Variants in KIAA1217 observed in about 807,000 individuals in gnomAD.
The protein encoded by KIAA1217 is sickle tail protein homolog.
Under a neutral mutation model 163.9 loss-of-function variants are expected in KIAA1217, and 88 were observed. The observed-to-expected ratio is 0.54, with a 90% CI of 0.45 to 0.64. KIAA1217 has a LOEUF of 0.64. KIAA1217 is among the 30% of genes least tolerant of loss of function. KIAA1217 has a pLI of 0.00. For missense variants in KIAA1217, 2,372 were observed against 2,475.0 expected (o/e 0.96, Z 0.88); for synonymous variants, 903 against 923.1 (o/e 0.98, Z 0.39).
chr10:23,914,342 T>A (rs1346809591), intron 1 of KIAA1217, among the ~76,000 whole-genome samples: 3 of 152,124 alleles, frequency 2.0e-5, no homozygotes, highest in Non-Finnish European at 4.4e-5. Flanking sequence ...AAAGATAGGA[T>A]CTCACTCTGT....
At chr10:24,414,693 G>A (rs1189964827) in intron 3 of KIAA1217, among the ~76,000 whole-genome samples, 2 of 152,182 alleles carry the variant, frequency 1.3e-5, no homozygotes, top group Non-Finnish European at 2.9e-5. Flanking sequence ...CGGAGGATGG[G>A]CACCTTGTCC....
At chr10:24,052,445 T>C (rs1339322766) in intron 2 of KIAA1217, among the ~76,000 whole-genome samples, 1 of 152,184 alleles carries the variant, frequency 6.6e-6, no homozygotes, top group African/African-American at 2.4e-5. Flanking sequence ...TTCCAAACTT[T>C]AGATCAATGT....
intron 1 of KIAA1217, among the ~76,000 whole-genome samples, chr10:23,843,755 A>T (rs1301650417): frequency 6.6e-6 from 1 of 152,154 alleles, no homozygotes; most frequent in Non-Finnish European, 1.5e-5. Flanking sequence ...GCGAAAACCT[A>T]TGTAAGTTTC....
intron 2 of KIAA1217, among the ~76,000 whole-genome samples, chr10:24,117,951 A>G (rs967831756): frequency 1.3e-5 from 2 of 152,154 alleles, no homozygotes; most frequent in African/African-American, 4.8e-5. Flanking sequence ...GAAACTGCTT[A>G]TATCAGATAA....
intron 2 of KIAA1217, among the ~76,000 whole-genome samples, chr10:24,068,516 G>C (rs925628107): frequency 2.0e-5 from 3 of 152,076 alleles, no homozygotes; most frequent in African/African-American, 7.2e-5. Flanking sequence ...TCATGTTTCT[G>C]TTTCTTCATT....
intron 1 of KIAA1217, among the ~76,000 whole-genome samples, chr10:23,855,418 C>G (rs1207415594): frequency 6.6e-6 from 1 of 152,170 alleles, no homozygotes; most frequent in Non-Finnish European, 1.5e-5. Flanking sequence ...TTGTGGGTAA[C>G]CCGACCTTTC....
chr10:23,880,467 G>A (rs1264886966), intron 1 of KIAA1217, among the ~76,000 whole-genome samples: 1 of 151,862 alleles, frequency 6.6e-6, no homozygotes, highest in African/African-American at 2.4e-5. Flanking sequence ...AGTTGGGAGA[G>A]GAAGGGAAGT....
intron 5 of KIAA1217, among the ~76,000 whole-genome samples, chr10:24,441,800 A>G (rs2060518412): frequency 3.9e-5 from 6 of 152,150 alleles, no homozygotes; most frequent in Admixed American, 6.5e-5. Context: ...TTATATATGT[A>G]CTCACAGGGT....
At chr10:24,023,601 T>A (rs1003498999) in intron 2 of KIAA1217, among the ~76,000 whole-genome samples, 13 of 151,732 alleles carry the variant, frequency 8.6e-5, no homozygotes, top group African/African-American at 3.1e-4. Flanking sequence ...TTTTGGTATA[T>A]GTGGGAGTTC....
intron 2 of KIAA1217, among the ~76,000 whole-genome samples, chr10:24,233,096 G>A (rs1018258810): frequency 6.6e-6 from 1 of 152,022 alleles, no homozygotes; most frequent in Non-Finnish European, 1.5e-5. Context: ...CCATACTCCA[G>A]CCTGGGTGAC....
chr10:23,832,721 A>G (rs978354377), intron 1 of KIAA1217, among the ~76,000 whole-genome samples: 12 of 152,136 alleles, frequency 7.9e-5, no homozygotes, highest in African/African-American at 2.9e-4. Flanking sequence ...ATTTTATCAC[A>G]ATATCACAAC....
At chr10:23,925,390 G>A (rs1049551820) in intron 1 of KIAA1217, among the ~76,000 whole-genome samples, 1 of 152,098 alleles carries the variant, frequency 6.6e-6, no homozygotes, top group Non-Finnish European at 1.5e-5. Context: ...CTAGTGGAGA[G>A]ACATGAAAGA....
intron 2 of KIAA1217, among the ~76,000 whole-genome samples, chr10:24,021,733 T>A (rs1847741102): frequency 6.6e-6 from 1 of 151,798 alleles, no homozygotes; most frequent in Admixed American, 6.6e-5. Context: ...CAAGACAGGG[T>A]GGTATTTGTA....
intron 1 of KIAA1217, among the ~76,000 whole-genome samples, chr10:23,858,458 CAT>C (rs1192838558): frequency 2.6e-5 from 4 of 151,702 alleles, no homozygotes; most frequent in East Asian, 1.9e-4. Flanking sequence ...TACACACAAA[CAT>C]ATGTGTGTGT....
In KIAA1217 at chr10:23,858,944, G is replaced by A. The variant is rs189897689; in HGVS notation, c.-320-148281G>A. 3.2e-4 allele frequency among the ~76,000 whole-genome samples: 49 copies of A among 152,096 alleles called. 1 individual carries two copies. Among genetic ancestry groups the A allele is most frequent in the Admixed American group, 1.2e-3 (18 of 15,274 alleles). On this transcript the variant is annotated intron_variant, in intron 1 of 18. Transcript: ENST00000376462. Reference sequence around the variant, plus strand: ...AGCTACCACTTCTCTTTCCTCCCTCGTAACTTAATTTCTCCAAGGGGTTTA... The same window carrying A: ...AGCTACCACTTCTCTTTCCTCCCTCATAACTTAATTTCTCCAAGGGGTTTA...
chr10:23,966,948 C>T (rs1242780937), intron 1 of KIAA1217, among the ~76,000 whole-genome samples: 1 of 152,110 alleles, frequency 6.6e-6, no homozygotes, highest in African/African-American at 2.4e-5. Context: ...ACAAGTGACC[C>T]TTTTATTTTA....
intron 2 of KIAA1217, among the ~76,000 whole-genome samples, chr10:24,055,990 A>G (rs142588463): frequency 9.1e-4 from 138 of 152,242 alleles, no homozygotes; most frequent in African/African-American, 3.0e-3. Flanking sequence ...TGTCTTTTAT[A>G]ATGCCTGGTT....
intron 1 of KIAA1217, among the ~76,000 whole-genome samples, chr10:23,876,308 A>G (rs950774545): frequency 6.6e-6 from 1 of 151,880 alleles, no homozygotes; most frequent in Non-Finnish European, 1.5e-5. Context: ...AGATGGGAAC[A>G]GTAGACACTG....
intron 3 of KIAA1217, among the ~76,000 whole-genome samples, chr10:24,384,454 C>G (rs556423377): frequency 6.6e-6 from 1 of 152,070 alleles, no homozygotes. Context: ...GAAATGAGAC[C>G]GACACATTGA....
Sources: allele counts gnomAD v4.1 joint callset (sites outside exome capture counted in the v4.1 genomes callset), GRCh38; gene constraint gnomAD v4.1.1; transcripts MANE v1.5; gene names NCBI Gene and HGNC (gene_info 2026-07-23, HGNC 2026-07-21).